The following TOP1MT variants were observed in gnomAD, a reference collection of about 807,000 sequenced individuals.
TOP1MT encodes the protein DNA topoisomerase I, mitochondrial.
In TOP1MT, 80 loss-of-function variants were observed where a neutral mutation model predicts 73.9. The ratio of observed to expected loss-of-function variants is 1.08; its 90% CI spans 0.90 to 1.30. TOP1MT has a LOEUF of 1.30. Among genes scored for constraint, TOP1MT ranks in the 50% most tolerant of loss-of-function variants. TOP1MT has a pLI of 0.00. For synonymous variants in TOP1MT, 338 were observed against 326.4 expected, an observed-to-expected ratio of 1.04 and a Z score of -0.38; for missense variants, 815 against 808.0, an observed-to-expected ratio of 1.01 and a Z score of -0.10.
intron 7 of TOP1MT, among the ~76,000 whole-genome samples, 194 bp from the exon 8 acceptor site, chr8:143,321,580 G>A (rs1441021452): frequency 1.3e-4 from 3 of 22,820 alleles, no homozygotes; most frequent in East Asian, 1.6e-3. Context: ...CGCCACACAG[G>A]CACGCCACAC....
At chr8:143,353,415 C>T (rs1460739441) in intron 1 of TOP1MT, among the ~76,000 whole-genome samples, 1 of 135,730 alleles carries the variant, frequency 7.4e-6, no homozygotes, top group Non-Finnish European at 1.5e-5. Context: ...GACCCTGTCT[C>T]TTTAAAAAAA....
intron 3 of TOP1MT, among the ~76,000 whole-genome samples, chr8:143,327,014 C>T (rs1816726326): frequency 6.6e-6 from 1 of 152,148 alleles, no homozygotes; most frequent in South Asian, 2.1e-4. Context: ...GCTAATTCCA[C>T]CCAGCCCTGC....
intron 10 of TOP1MT, among the ~76,000 whole-genome samples, chr8:143,317,143 G>A (rs1205503576): frequency 6.6e-6 from 1 of 152,176 alleles, no homozygotes; most frequent in East Asian, 1.9e-4. Context: ...CGGGGTGGGA[G>A]GCACCCTCTG....
intron 9 of TOP1MT, 86 bp from the exon 10 acceptor site, chr8:143,317,923 T>C (rs1367007871): frequency 1.3e-6 from 2 of 1,591,680 alleles, no homozygotes. Flanking sequence ...TGTCAGCCGT[T>C]GGGTCAGGAC....
chr8:143,337,713 A>T (rs1817005779), upstream of TOP1MT, among the ~76,000 whole-genome samples: 2 of 152,174 alleles, frequency 1.3e-5, no homozygotes, highest in East Asian at 3.9e-4. Context: ...CACCTCTCAT[A>T]TTGTCTTCTG....
At chr8:143,320,097 C>T (rs1816287923) in intron 8 of TOP1MT, among the ~76,000 whole-genome samples, 2 of 151,922 alleles carry the variant, frequency 1.3e-5, no homozygotes, top group Admixed American at 6.5e-5. Flanking sequence ...GTACTCCAGC[C>T]TGAGCAACAG....
At chr8:143,325,631 C>T in intron 4 of TOP1MT, 98 bp from the exon 5 acceptor site, 1 of 1,157,512 alleles carries the variant, frequency 8.6e-7, no homozygotes, top group South Asian at 1.4e-5. Context: ...CTCTGTCTGG[C>T]TAACTCAGCT....
intron 8 of TOP1MT, among the ~76,000 whole-genome samples, chr8:143,319,544 G>A (rs1008785656): frequency 2.0e-5 from 3 of 151,998 alleles, no homozygotes; most frequent in Non-Finnish European, 2.9e-5. Flanking sequence ...ACCCAGACAG[G>A]GGACACCGTG....
At chr8:143,324,452 G>A (rs1816648824) in intron 6 of TOP1MT, 33 bp downstream of exon 6, 1 of 1,613,176 alleles carries the variant, frequency 6.2e-7, no homozygotes, top group African/African-American at 1.3e-5. Flanking sequence ...GGACCTCCTG[G>A]GGAGGAAACA....
At chr8:143,327,119 G>A (rs1816728644) in intron 3 of TOP1MT, among the ~76,000 whole-genome samples, 1 of 152,190 alleles carries the variant, frequency 6.6e-6, no homozygotes, top group Non-Finnish European at 1.5e-5. Flanking sequence ...CTGTGGTGCT[G>A]GGGATTCAGT....
chr8:143,356,785 CAAAAAAAAAAAA>C (rs1161995816), upstream of TOP1MT, among the ~76,000 whole-genome samples: 10 of 25,960 alleles, frequency 3.9e-4, no homozygotes, highest in Admixed American at 3.6e-3. Context: ...GACTCTGTCT[CAAAAAAAAAAAA>C]AAAAAAAAAA....
chr8:143,349,319 C>A (rs1362881276), upstream of TOP1MT, among the ~76,000 whole-genome samples: 1 of 139,266 alleles, frequency 7.2e-6, no homozygotes, highest in Non-Finnish European at 1.6e-5. Flanking sequence ...CACCCCCCTG[C>A]CCCCTGCAAG....
chr8:143,348,132 G>C (rs1231364732), upstream of TOP1MT, among the ~76,000 whole-genome samples: 1 of 152,154 alleles, frequency 6.6e-6, no homozygotes, highest in Non-Finnish European at 1.5e-5. The surrounding 1 kb of genome is among the most constrained non-coding windows in gnomAD (Gnocchi z 4.6). Flanking sequence ...ACCCTGGAGA[G>C]GCCCCACTCA....
Position 143,321,116 on chromosome 8 carries a change from A to T in TOP1MT, c.1146+85T>A, listed in dbSNP as rs1816327408. On this transcript the variant is annotated intron_variant, in intron 8 of 13. Coordinates refer to ENST00000329245, the MANE Select transcript of TOP1MT (RefSeq NM_052963.3). ...GCAGGACGTGGCAAACGGGCCACAG[A>T]CCCCACGGCAGCTCCGGCACGCCCC... The T allele has an allele frequency of 2.1e-6, 3 of 1,402,860 alleles. No individual in the cohort carries two copies. The South Asian group carries it at 4.2e-5, about 20-fold the overall frequency. The allele number at this position is 1,402,860 out of a possible 1,614,324, so 86.9% of individuals were successfully genotyped here.
upstream of TOP1MT, chr8:143,334,931 G>A (rs1284815747): frequency 4.8e-6 from 6 of 1,260,306 alleles, no homozygotes; most frequent in East Asian, 3.4e-5. Flanking sequence ...CGCCCCCAGC[G>A]GCCAGCCCCG....
intron 2 of TOP1MT, among the ~76,000 whole-genome samples, chr8:143,342,776 C>CTGTTATTATTAT (rs1554622822): frequency 1.3e-5 from 1 of 78,732 alleles, no homozygotes; most frequent in Non-Finnish European, 3.0e-5. Context: ...GAGTCTTGCT[C>CTGTTATTATTAT]TATTATTATT....
In TOP1MT at chr8:143,323,456, CCA is replaced by C. The variant is rs1288098044; in HGVS notation, c.960+541_960+542del. ...GCCACACACGCACGCCACACGCACG[CCA>C]CACACATGCTCACCACACACGCACG... On this transcript the variant is annotated intron_variant, in intron 7 of 13. Coordinates refer to ENST00000329245, the MANE Select transcript of TOP1MT (RefSeq NM_052963.3). 3.1e-4 allele frequency among the ~76,000 whole-genome samples: 35 copies of C among 112,738 alleles called. 1 individual carries two copies. The highest frequency in any genetic ancestry group is 1.3e-3 in the African/African-American group (30 of 22,916). 74.0% of individuals were successfully genotyped at this position (112,738 alleles called of 152,430 possible).
intron 10 of TOP1MT, 149 bp from the exon 11 acceptor site, chr8:143,316,275 G>C (rs1480510621): frequency 2.1e-5 from 27 of 1,284,482 alleles, no homozygotes; most frequent in Non-Finnish European, 2.7e-5. Context: ...CCAAGGGTCA[G>C]TGACCCTCCA....
At chr8:143,343,318 C>A (rs769402268) in intron 1 of TOP1MT, 8 of 454,306 alleles carry the variant, frequency 1.8e-5, no homozygotes, top group Non-Finnish European at 3.5e-5. Flanking sequence ...AAACATGCAG[C>A]TCTGCGGCTC....
Sources: gnomAD v4.1 joint callset for allele counts (sites outside exome capture counted in the v4.1 genomes callset) on GRCh38, gnomAD v4.1.1 for gene constraint, Gnocchi (gnomAD v3.1) non-coding constraint, MANE v1.5 for transcripts, NCBI Gene and HGNC (gene_info 2026-07-23, HGNC 2026-07-21) for gene names.